Variants in SLC14A2 observed in about 807,000 individuals in gnomAD.
SLC14A2 encodes solute carrier family 14 member 2.
Under a neutral mutation model 104.6 loss-of-function variants are expected in SLC14A2, and 91 were observed. The ratio of observed to expected loss-of-function variants is 0.87; its 90% confidence interval spans 0.73 to 1.04. SLC14A2 has a LOEUF of 1.04. Ranked by LOEUF, SLC14A2 falls within the 50% of genes least tolerant of loss-of-function variation. The pLI, the probability that SLC14A2 is intolerant of heterozygous loss-of-function variation, is 0.00. For missense variants in SLC14A2, 1,189 were observed against 1,156.0 expected, an observed-to-expected ratio of 1.03 and a Z score of -0.41; for synonymous variants, 476 against 466.4, an observed-to-expected ratio of 1.02 and a Z score of -0.27.
intron 7 of SLC14A2, among the ~76,000 whole-genome samples, chr18:45,640,281 A>G (rs986305455): frequency 3.7e-4 from 56 of 152,180 alleles, no homozygotes; most frequent in African/African-American, 1.3e-3. Flanking sequence ...GTCTTAAAAA[A>G]AAAAAAAATA....
intron 2 of SLC14A2, among the ~76,000 whole-genome samples, chr18:45,604,407 G>A (rs917478783): frequency 2.0e-5 from 3 of 151,820 alleles, no homozygotes; most frequent in East Asian, 1.9e-4. Flanking sequence ...ACAATATCCA[G>A]ATCAAATGAT....
At chr18:45,601,347 C>A (rs2144413042) in intron 2 of SLC14A2, among the ~76,000 whole-genome samples, 1 of 152,296 alleles carries the variant, frequency 6.6e-6, no homozygotes, top group Non-Finnish European at 1.5e-5. Flanking sequence ...GTGGGAGAAC[C>A]TTACTAAGCA....
At chr18:45,346,485 T>C (rs1345633200) in intron 1 of SLC14A2, among the ~76,000 whole-genome samples, 1 of 152,190 alleles carries the variant, frequency 6.6e-6, no homozygotes, top group African/African-American at 2.4e-5. Flanking sequence ...TACTCACATT[T>C]ACTAGTTTAG....
At chr18:45,242,009 C>T (rs1372706368) in intron 1 of SLC14A2, among the ~76,000 whole-genome samples, 1 of 152,138 alleles carries the variant, frequency 6.6e-6, no homozygotes, top group East Asian at 1.9e-4. Context: ...CTTTTCCCAA[C>T]CTTGAAACTA....
intron 1 of SLC14A2, among the ~76,000 whole-genome samples, chr18:45,411,575 C>A (rs1189105130): frequency 1.3e-5 from 2 of 152,168 alleles, no homozygotes. Context: ...TCTTCTAGAT[C>A]GCTATCCACT....
chr18:45,572,125 G>T (rs189620715), intron 2 of SLC14A2, among the ~76,000 whole-genome samples: 2 of 152,136 alleles, frequency 1.3e-5, no homozygotes, highest in African/African-American at 2.4e-5. Flanking sequence ...TTCCTCTGGG[G>T]TATCTGAAAC....
intron 1 of SLC14A2, among the ~76,000 whole-genome samples, chr18:45,346,942 G>C (rs914241955): frequency 6.6e-6 from 1 of 150,848 alleles, no homozygotes; most frequent in African/African-American, 2.4e-5. Context: ...ACTCCAGCCT[G>C]GGCAACACAG....
chr18:45,398,390 G>T lies in SLC14A2; in HGVS notation c.-124-84843G>T, dbSNP rs1345947867. Among the ~76,000 whole-genome samples the T allele has an allele frequency of 5.9e-5, 9 of 152,140 alleles. 1 individual carries two copies. The South Asian group carries it at 1.2e-3, about 21-fold the overall frequency. On this transcript the variant is annotated intron_variant, in intron 1 of 20. Transcript: ENST00000586448. ...CAGGCTGTCTCAGGAGTCAGACAAG[G>T]TTATTATCAGAAAGCAGCAGGGATT...
At chr18:45,174,806 G>A in the SLC14A2 span, among the ~76,000 whole-genome samples, 1 of 152,106 alleles carries the variant, frequency 6.6e-6, no homozygotes, top group South Asian at 2.1e-4. Flanking sequence ...CTGGATGGAT[G>A]GATCATGCAT....
chr18:45,208,023 AC>A (rs2083930337), upstream of SLC14A2, among the ~76,000 whole-genome samples: 1 of 152,174 alleles, frequency 6.6e-6, no homozygotes, highest in Non-Finnish European at 1.5e-5. Context: ...TAAAACTGGG[AC>A]CCAAAGCCAA....
intron 1 of SLC14A2, among the ~76,000 whole-genome samples, chr18:45,233,771 C>A (rs59211136): frequency 0.1 from 14,606 of 140,210 alleles, 956 homozygotes; most frequent in African/African-American, 0.17. Flanking sequence ...TCCCCCGCCC[C>A]GACTCCCCCT....
intron 2 of SLC14A2, among the ~76,000 whole-genome samples, chr18:45,495,582 A>G (rs1359601772): frequency 6.6e-6 from 1 of 152,188 alleles, no homozygotes; most frequent in African/African-American, 2.4e-5. Context: ...GGATTATATC[A>G]ATGTACATTT....
intron 11 of SLC14A2, among the ~76,000 whole-genome samples, chr18:45,664,554 C>T (rs2045983192): frequency 1.3e-5 from 2 of 152,194 alleles, no homozygotes; most frequent in South Asian, 2.1e-4. Flanking sequence ...ATCCTGCCTC[C>T]AATCCCCAGA....
intron 16 of SLC14A2, among the ~76,000 whole-genome samples, chr18:45,672,675 A>G (rs1303850810): frequency 1.3e-5 from 2 of 152,216 alleles, no homozygotes; most frequent in Non-Finnish European, 2.9e-5. Context: ...ATATTTCTAA[A>G]TAAAGGAAAC....
At chr18:45,346,709 C>T (rs1394267344) in intron 1 of SLC14A2, among the ~76,000 whole-genome samples, 1 of 152,072 alleles carries the variant, frequency 6.6e-6, no homozygotes, top group Non-Finnish European at 1.5e-5. Flanking sequence ...GGGTGGATCA[C>T]ATGAGGTCAC....
intron 2 of SLC14A2, among the ~76,000 whole-genome samples, chr18:45,530,231 G>A (rs78436951): frequency 0.021 from 3,256 of 152,242 alleles, 126 homozygotes; most frequent in African/African-American, 0.072. Flanking sequence ...GTGCTCAAGC[G>A]AATCTCATTA....
intron 1 of SLC14A2, among the ~76,000 whole-genome samples, chr18:45,291,739 C>A (rs933144064): frequency 6.6e-6 from 1 of 151,944 alleles, no homozygotes; most frequent in Non-Finnish European, 1.5e-5. Context: ...AGAATGAATC[C>A]CCCCTCAGCA....
chr18:45,373,023 G>C (rs1007850571), intron 1 of SLC14A2, among the ~76,000 whole-genome samples: 7 of 152,142 alleles, frequency 4.6e-5, no homozygotes, highest in African/African-American at 1.4e-4. Context: ...GGCTAGTGGT[G>C]ACCAGATTGG....
At chr18:45,548,534 T>C (rs1206211550) in intron 2 of SLC14A2, among the ~76,000 whole-genome samples, 1 of 152,004 alleles carries the variant, frequency 6.6e-6, no homozygotes, top group African/African-American at 2.4e-5. Flanking sequence ...TGAGACCCTG[T>C]CTCTACAAAA....
Sources: allele counts gnomAD v4.1 joint callset (sites outside exome capture counted in the v4.1 genomes callset), GRCh38; gene constraint gnomAD v4.1.1; transcripts MANE v1.5; gene names NCBI Gene and HGNC (gene_info 2026-07-23, HGNC 2026-07-21).